Variants in PARP8 observed in about 807,000 individuals in gnomAD.
PARP8 encodes protein mono-ADP-ribosyltransferase PARP8.
In PARP8, 51 loss-of-function variants were observed where a neutral mutation model predicts 124.1. The observed-to-expected ratio is 0.41, with a 90% CI of 0.33 to 0.52. The LOEUF (loss-of-function observed/expected upper bound fraction) is 0.52, where lower values mean the gene tolerates loss of function less well. Ranked by LOEUF, PARP8 falls within the 20% of genes least tolerant of loss-of-function variation. The pLI is 0.21. For missense variants in PARP8, 860 were observed against 1,018.9 expected (o/e 0.84, Z 2.12); for synonymous variants, 391 against 361.5 (o/e 1.08, Z -0.93).
In PARP8 at chr5:50,844,380, G is replaced by A. The variant is rs1239588259; in HGVS notation, c.*2312G>A. The A allele has an allele frequency of 6.6e-6, 1 of 151,612 alleles. No homozygotes were observed. Among genetic ancestry groups the A allele is most frequent in the Non-Finnish European group, 1.5e-5 (1 of 67,748 alleles). 9.4% of individuals were successfully genotyped at this position (151,612 alleles called of 1,614,324 possible). On this transcript the variant is annotated 3_prime_UTR_variant, in exon 26 of 26. Coordinates refer to ENST00000281631, the MANE Select transcript of PARP8 (RefSeq NM_024615.4). ...TTTAATTGAACTTTTTGAAATTAGG[G>A]ATACTATAATAACTGATAAAGATGA...
At chr5:50,825,065 C>T in intron 18 of PARP8, 90 bp downstream of exon 18, 1 of 1,102,862 alleles carries the variant, frequency 9.1e-7, no homozygotes, top group Non-Finnish European at 1.4e-6. Context: ...AAAAGTAAAC[C>T]TGTCTTACAA....
intron 3 of PARP8, among the ~76,000 whole-genome samples, chr5:50,754,047 GA>G (rs1382879082): frequency 7.0e-4 from 74 of 105,388 alleles, no homozygotes; most frequent in Non-Finnish European, 7.8e-4. Flanking sequence ...GAGGTTTTCA[GA>G]AAAAAAAAAA....
chr5:50,740,957 G>A (rs1304830522), intron 2 of PARP8, among the ~76,000 whole-genome samples: 1 of 152,118 alleles, frequency 6.6e-6, no homozygotes, highest in Admixed American at 6.5e-5. Context: ...TGTAGTGTTT[G>A]TTCCCTTTCC....
chr5:50,826,820 T>C lies in PARP8; in HGVS notation c.1977+17T>C, dbSNP rs756600688. On this transcript the variant is annotated intron_variant, in intron 19 of 25. Transcript: ENST00000281631. Reference sequence around the variant, plus strand: ...GTTAACAGGGTAAGTTGTTTTTTTTTTTTTTACATATGCATACAGAAATGG... The same window carrying C: ...GTTAACAGGGTAAGTTGTTTTTTTTCTTTTTACATATGCATACAGAAATGG... The C allele has an allele frequency of 1.3e-6, 2 of 1,592,128 alleles. No individual in the cohort carries two copies. The highest frequency in any genetic ancestry group is 1.8e-5 in the Admixed American group (1 of 54,676).
intron 2 of PARP8, among the ~76,000 whole-genome samples, chr5:50,716,359 G>A (rs1755317461): frequency 6.6e-6 from 1 of 152,076 alleles, no homozygotes; most frequent in Admixed American, 6.6e-5. Flanking sequence ...CATGGATTGG[G>A]CGGCTTCTCC....
intron 2 of PARP8, chr5:50,741,837 T>G: frequency 2.3e-6 from 1 of 438,616 alleles, no homozygotes; most frequent in Non-Finnish European, 4.5e-6. Context: ...TTAGGTAGAA[T>G]TTCATTCTTG....
chr5:50,813,749 A>C (rs1168821662), intron 14 of PARP8, among the ~76,000 whole-genome samples: 3 of 152,088 alleles, frequency 2.0e-5, no homozygotes, highest in Non-Finnish European at 4.4e-5. Context: ...AGCTCTTATT[A>C]TTTTGAGATA....
At chr5:50,675,612 C>T (rs1750538741) in intron 2 of PARP8, among the ~76,000 whole-genome samples, 1 of 152,204 alleles carries the variant, frequency 6.6e-6, no homozygotes, top group South Asian at 2.1e-4. Context: ...GGCGCCCGGC[C>T]TGTTTTATTG....
intron 2 of PARP8, among the ~76,000 whole-genome samples, chr5:50,706,090 G>C (rs761760547): frequency 6.6e-6 from 1 of 152,072 alleles, no homozygotes; most frequent in African/African-American, 2.4e-5. Flanking sequence ...AATTCTACTC[G>C]AGGTAGAAAG....
At chr5:50,825,948 T>G (rs569303834) in intron 18 of PARP8, among the ~76,000 whole-genome samples, 1 of 152,300 alleles carries the variant, frequency 6.6e-6, no homozygotes, top group Non-Finnish European at 1.5e-5. Context: ...ATAGAAGCCT[T>G]CCTTCTTTGT....
chr5:50,792,896 C>T (rs182278888), intron 10 of PARP8, among the ~76,000 whole-genome samples: 1 of 152,132 alleles, frequency 6.6e-6, no homozygotes, highest in Admixed American at 6.5e-5. Context: ...TACTTTCTGG[C>T]GATCTGAGTT....
In PARP8 at chr5:50,831,262, C is replaced by T. The variant is rs551269110; in HGVS notation, c.2233+1301C>T. Among the ~76,000 whole-genome samples the T allele has an allele frequency of 3.3e-5, 5 of 152,208 alleles. No individual in the cohort carries two copies. In the East Asian group the frequency reaches 9.7e-4, roughly 29 times the overall value. On this transcript the variant is annotated intron_variant, in intron 22 of 25. Coordinates refer to ENST00000281631, the MANE Select transcript of PARP8 (RefSeq NM_024615.4). ...ACACCTTAACCTTAGGGCAAAATAA[C>T]AGCTTCATTACGCTCATAGATTCTT...
intron 10 of PARP8, among the ~76,000 whole-genome samples, chr5:50,791,076 G>A (rs989542562): frequency 3.3e-5 from 5 of 152,088 alleles, no homozygotes; most frequent in Non-Finnish European, 7.4e-5. Flanking sequence ...AGTTAGGAAG[G>A]CAAATTTAGA....
Position 50,794,261 on chromosome 5 carries a change from T to C in PARP8, c.792T>C (p.Asn264=), listed in dbSNP as rs773852867. 2.5e-6 allele frequency: 4 copies of C among 1,613,452 alleles called. No individual in the cohort carries two copies. Among genetic ancestry groups the C allele is most frequent in the East Asian group, 2.2e-5 (1 of 44,790 alleles). The change falls in exon 11 of 26, where the codon AAT becomes AAC. Residue 264 remains asparagine (N), a synonymous_variant. Transcript: ENST00000281631. ...GGAAACAGAGCAAAGAAAAATCCAA[T>C]TGCCTGCACAATAAAAAGTTGTCAG... The part of the protein sequence containing the change: ...QQWKQSKEKS[N]CLHNKKLSEK...
At chr5:50,791,319 T>C (rs1183815924) in intron 10 of PARP8, among the ~76,000 whole-genome samples, 1 of 152,130 alleles carries the variant, frequency 6.6e-6, no homozygotes, top group African/African-American at 2.4e-5. Flanking sequence ...AAACAGGCCT[T>C]GTTACTCTCA....
chr5:50,776,251 G>A (rs1287105608), intron 7 of PARP8, among the ~76,000 whole-genome samples: 2 of 152,170 alleles, frequency 1.3e-5, no homozygotes, highest in South Asian at 4.1e-4. Context: ...GCTCATCATG[G>A]TGTATGATTT....
intron 14 of PARP8, 64 bp downstream of exon 14, chr5:50,797,297 A>T (rs1395099096): frequency 1.7e-6 from 2 of 1,162,468 alleles, no homozygotes; most frequent in Admixed American, 2.8e-5. Flanking sequence ...AAAGATTTGA[A>T]ATATAAAAAT....
intron 14 of PARP8, among the ~76,000 whole-genome samples, chr5:50,811,376 A>G (rs1377491959): frequency 1.3e-5 from 2 of 152,060 alleles, no homozygotes; most frequent in Non-Finnish European, 2.9e-5. Context: ...CGTGATAGGA[A>G]ATAGAGAGGT....
At chr5:50,685,910 C>T (rs752300750) in intron 2 of PARP8, among the ~76,000 whole-genome samples, 1 of 152,158 alleles carries the variant, frequency 6.6e-6, no homozygotes, top group Admixed American at 6.5e-5. Context: ...CAATTACTTC[C>T]CACTGGGTCC....
Sources: gnomAD v4.1 joint callset for allele counts (sites outside exome capture counted in the v4.1 genomes callset) on GRCh38, gnomAD v4.1.1 for gene constraint, MANE v1.5 for transcripts, NCBI Gene and HGNC (gene_info 2026-07-23, HGNC 2026-07-21) for gene names.